The following TRPM3 variants were observed in gnomAD, a reference collection of about 807,000 sequenced individuals.
TRPM3 encodes the protein transient receptor potential cation channel subfamily M member 3, also known as long transient receptor potential channel 3.
A neutral mutation model predicts 181.2 loss-of-function variants in TRPM3; 77 were observed. The observed-to-expected ratio is 0.42, with a 90% CI of 0.35 to 0.51. The LOEUF (loss-of-function observed/expected upper bound fraction) is 0.51. TRPM3 is among the 20% of genes least tolerant of loss of function. The probability of loss-of-function intolerance (pLI) is 0.01; values close to 1 mark genes in which losing one functional copy is unlikely to be tolerated. For missense variants in TRPM3, 1,759 were observed against 2,196.7 expected (o/e 0.80, Z 3.98); for synonymous variants, 745 against 796.4 (o/e 0.94, Z 1.09).
chr9:71,021,233 G>A (rs2097844497), intron 1 of TRPM3, among the ~76,000 whole-genome samples: 1 of 152,156 alleles, frequency 6.6e-6, no homozygotes, highest in Non-Finnish European at 1.5e-5. Context: ...AGAACAAGTG[G>A]TGACTGAGGT....
chr9:71,207,803 A>G (rs72733828), intron 1 of TRPM3, among the ~76,000 whole-genome samples: 13,333 of 152,182 alleles, frequency 0.088, 660 homozygotes, highest in Non-Finnish European at 0.11. Flanking sequence ...TGAAAACTCA[A>G]TATAAAAGAA....
chr9:71,332,376 GGTGT>G lies in TRPM3; in HGVS notation c.183+114273_183+114276del, dbSNP rs3041716. ...TCTAGGTCAGTGGTTTTCAATGTTG[GGTGT>G]GTGTGTGTGTGTGTGTGTGTGTGTG... On this transcript the variant is annotated intron_variant, in intron 1 of 24. Coordinates refer to the TRPM3 transcript ENST00000357533. Among the ~76,000 whole-genome samples the G allele has an allele frequency of 2.0e-3, 282 of 142,270 alleles. 1 individual carries two copies. The highest frequency in any genetic ancestry group is 8.8e-3 in the East Asian group (43 of 4,890). 93.3% of individuals were successfully genotyped at this position (142,270 alleles called of 152,430 possible). A position where few individuals can be genotyped will look rare whatever the true frequency, so the allele number is the denominator to read the frequency against.
chr9:71,267,137 C>T (rs1441566677), intron 1 of TRPM3, among the ~76,000 whole-genome samples: 1 of 152,106 alleles, frequency 6.6e-6, no homozygotes, highest in Non-Finnish European at 1.5e-5. Context: ...CTCCTGCCCC[C>T]TTCCTATCTT....
At chr9:70,811,342 C>A (rs571045291) in intron 6 of TRPM3, 1 of 1,027,268 alleles carries the variant, frequency 9.7e-7, no homozygotes, top group Non-Finnish European at 1.5e-6. Context: ...AATTTATATA[C>A]GTGATGGCAA....
intron 7 of TRPM3, among the ~76,000 whole-genome samples, chr9:70,781,326 T>TA (rs35173071): frequency 0.022 from 2,358 of 106,040 alleles, 107 homozygotes; most frequent in African/African-American, 0.082. Flanking sequence ...TTCCATTTCA[T>TA]AAAAAAAAAA....
At chr9:71,274,617 C>G (rs187853372) in intron 1 of TRPM3, among the ~76,000 whole-genome samples, 86 of 152,262 alleles carry the variant, frequency 5.6e-4, no homozygotes, top group African/African-American at 2.0e-3. Flanking sequence ...AGACTGCACA[C>G]AGAGAAAGCC....
intron 6 of TRPM3, among the ~76,000 whole-genome samples, chr9:70,811,431 C>T (rs1057235258): frequency 2.0e-5 from 3 of 152,068 alleles, no homozygotes; most frequent in African/African-American, 7.3e-5. Context: ...ATCACTCCTT[C>T]AACTGGACAG....
intron 1 of TRPM3, among the ~76,000 whole-genome samples, chr9:71,066,259 C>T (rs967285973): frequency 2.6e-5 from 4 of 152,206 alleles, no homozygotes; most frequent in Middle Eastern, 6.8e-3. Flanking sequence ...CAAGATTTGA[C>T]TTAGTGACCT....
intron 8 of TRPM3, among the ~76,000 whole-genome samples, chr9:70,749,768 T>G (rs1247515974): frequency 6.6e-6 from 1 of 152,238 alleles, no homozygotes; most frequent in Non-Finnish European, 1.5e-5. Flanking sequence ...TCGTGCTTTA[T>G]TTAATTTTTA....
chr9:71,119,120 A>G (rs1213364740), intron 1 of TRPM3, among the ~76,000 whole-genome samples: 1 of 152,196 alleles, frequency 6.6e-6, no homozygotes, highest in Non-Finnish European at 1.5e-5. Context: ...AGTATTGCTG[A>G]AAGAACTTGG....
chr9:70,864,376 A>C, intron 2 of TRPM3, 56 bp downstream of exon 2: 1 of 1,220,604 alleles, frequency 8.2e-7, no homozygotes, highest in Non-Finnish European at 1.1e-6. Flanking sequence ...TTACTCTTGC[A>C]GGTTTTTTGT....
At chr9:70,620,989 G>A (rs1011231297) in intron 15 of TRPM3, among the ~76,000 whole-genome samples, 1 of 147,510 alleles carries the variant, frequency 6.8e-6, no homozygotes, top group Non-Finnish European at 1.5e-5. Flanking sequence ...AAGGTGCTGT[G>A]AGCAACCCTT....
intron 1 of TRPM3, among the ~76,000 whole-genome samples, chr9:70,922,965 T>C (rs72729789): frequency 0.031 from 4,730 of 152,278 alleles, 104 homozygotes; most frequent in Middle Eastern, 0.048. Context: ...TGAGATCATC[T>C]GAAACAGTGT....
chr9:71,094,096 T>C (rs28393108), intron 1 of TRPM3, among the ~76,000 whole-genome samples: 5 of 6,942 alleles, frequency 7.2e-4, no homozygotes, highest in African/African-American at 2.3e-3. Flanking sequence ...GGGGTGGGGG[T>C]GGGGGGCAAG....
Position 70,829,518 on chromosome 9 carries a change from A to G in TRPM3, c.802-1500T>C, listed in dbSNP as rs1409124452. On this transcript the variant is annotated intron_variant, in intron 5 of 25. Coordinates refer to ENST00000677713, the MANE Select transcript of TRPM3 (RefSeq NM_001366145.2). ...GTGTATATAATTCTGAGCTTCTGAAAAAGGCTTCAGTCCTATTAATATATA... is the reference window on the plus strand; with the variant it reads ...GTGTATATAATTCTGAGCTTCTGAAGAAGGCTTCAGTCCTATTAATATATA... Among the ~76,000 whole-genome samples, 5 of 152,182 alleles carry G rather than the reference A, an allele frequency of 3.3e-5. No homozygotes were observed. In the East Asian group the frequency reaches 9.6e-4, roughly 29 times the overall value.
chr9:71,015,307 A>G (rs537505922), intron 1 of TRPM3, among the ~76,000 whole-genome samples: 1 of 152,320 alleles, frequency 6.6e-6, no homozygotes, highest in East Asian at 1.9e-4. Context: ...CCTACCTTGT[A>G]CCTTGGTAGC....
chr9:71,065,086 C>A lies in TRPM3; in HGVS notation c.177+56092G>T, dbSNP rs182141677. On this transcript the variant is annotated intron_variant, in intron 1 of 25. Coordinates refer to ENST00000677713, the MANE Select transcript of TRPM3 (RefSeq NM_001366145.2). Reference sequence around the variant, plus strand: ...GTAGCTATGGGATTGGGCTTGTAAGCAATTAGTTTATCAGAGCTTCCATAA... The same window carrying A: ...GTAGCTATGGGATTGGGCTTGTAAGAAATTAGTTTATCAGAGCTTCCATAA... Among the ~76,000 whole-genome samples, 417 of 152,196 alleles carry A rather than the reference C, an allele frequency of 2.7e-3. 5 individuals carry two copies. The South Asian group carries it at 0.031, about 11-fold the overall frequency.
At chr9:71,091,305 T>C (rs1413519639) in intron 1 of TRPM3, among the ~76,000 whole-genome samples, 1 of 152,162 alleles carries the variant, frequency 6.6e-6, no homozygotes, top group Non-Finnish European at 1.5e-5. Context: ...CCAAAATTCC[T>C]TTCACCCACT....
chr9:71,398,585 T>G (rs778134768), intron 1 of TRPM3, among the ~76,000 whole-genome samples: 3 of 152,196 alleles, frequency 2.0e-5, no homozygotes, highest in Non-Finnish European at 4.4e-5. Context: ...CAGCTCTCTC[T>G]TCTGCTCCAC....
Sources: gnomAD v4.1 joint callset for allele counts (sites outside exome capture counted in the v4.1 genomes callset) on GRCh38, gnomAD v4.1.1 for gene constraint, MANE v1.5 for transcripts, NCBI Gene and HGNC (gene_info 2026-07-23, HGNC 2026-07-21) for gene names.